The following SV2C variants were observed in gnomAD, a reference collection of about 807,000 sequenced individuals.
The protein encoded by SV2C is synaptic vesicle glycoprotein 2C, also known as solute carrier family 22 member B3.
SV2C carries 49 observed loss-of-function variants against 79.7 expected under a neutral mutation model. The ratio of observed to expected loss-of-function variants is 0.61; its 90% CI spans 0.49 to 0.78. The LOEUF is 0.78. Among genes scored for constraint, SV2C ranks in the 30% least tolerant of loss-of-function variants. The probability of loss-of-function intolerance (pLI) is 0.00; values close to 1 mark genes in which losing one functional copy is unlikely to be tolerated. For synonymous variants in SV2C, 334 were observed against 333.2 expected, an observed-to-expected ratio of 1.00 and a Z score of -0.03; for missense variants, 833 against 912.9, an observed-to-expected ratio of 0.91 and a Z score of 1.13.
intron 4 of SV2C, among the ~76,000 whole-genome samples, chr5:76,224,191 T>G (rs1189377793): frequency 2.0e-5 from 3 of 152,072 alleles, no homozygotes; most frequent in Non-Finnish European, 4.4e-5. Flanking sequence ...TTTTTGGGGG[T>G]TTTTTTCCTG....
chr5:76,291,143 T>A, intron 6 of SV2C, 78 bp from the exon 7 acceptor site: 1 of 1,074,830 alleles, frequency 9.3e-7, no homozygotes, highest in Non-Finnish European at 1.3e-6. Flanking sequence ...TTTTTGCTCC[T>A]GTAAAAACAA....
the SV2C span, among the ~76,000 whole-genome samples, chr5:75,981,997 G>A: frequency 0.018 from 2,592 of 146,432 alleles, 73 homozygotes; most frequent in African/African-American, 0.059. Flanking sequence ...TTCAGCATCC[G>A]CATATTCTCA....
chr5:76,301,062 G>A, intron 11 of SV2C, 130 bp downstream of exon 11: 5 of 1,029,906 alleles, frequency 4.9e-6, no homozygotes, highest in Non-Finnish European at 5.7e-6. Flanking sequence ...CTTACGTTGG[G>A]ACTAAATTAT....
chr5:76,231,594 C>G (rs184713853), intron 4 of SV2C, among the ~76,000 whole-genome samples: 41 of 142,906 alleles, frequency 2.9e-4, no homozygotes, highest in Non-Finnish European at 4.9e-4. Flanking sequence ...CCGCTCCCCC[C>G]ACTCCACCAC....
chr5:76,072,858 T>C, the SV2C span, among the ~76,000 whole-genome samples: 1 of 152,228 alleles, frequency 6.6e-6, no homozygotes, highest in Non-Finnish European at 1.5e-5. Context: ...TAATTAGTGA[T>C]GTTGAGCATT....
At chr5:75,916,652 T>C in the SV2C span, among the ~76,000 whole-genome samples, 2 of 152,132 alleles carry the variant, frequency 1.3e-5, no homozygotes, top group African/African-American at 2.4e-5. Context: ...TTTTTATATT[T>C]TTAGTAGAGA....
chr5:76,195,151 C>A (rs1744235588), intron 3 of SV2C, 52 bp downstream of exon 3: 2 of 1,574,174 alleles, frequency 1.3e-6, no homozygotes, highest in South Asian at 1.2e-5. Context: ...CTTCATAATT[C>A]TCCACTCTAG....
At chr5:75,963,528 T>A in the SV2C span, among the ~76,000 whole-genome samples, 36 of 152,176 alleles carry the variant, frequency 2.4e-4, 1 homozygote, top group African/African-American at 8.0e-4. Flanking sequence ...GTCTGATTCT[T>A]CTTCTTTTTA....
chr5:75,962,611 T>C, the SV2C span, among the ~76,000 whole-genome samples: 3 of 152,262 alleles, frequency 2.0e-5, no homozygotes, highest in Admixed American at 2.0e-4. Context: ...CATCCAGGTT[T>C]ACATCTACTA....
chr5:75,885,833 C>G, the SV2C span, among the ~76,000 whole-genome samples: 1 of 152,112 alleles, frequency 6.6e-6, no homozygotes, highest in East Asian at 1.9e-4. Flanking sequence ...AATAAGCAGA[C>G]TCCAAGAAGG....
At chr5:75,988,833 A>T in the SV2C span, among the ~76,000 whole-genome samples, 1 of 151,970 alleles carries the variant, frequency 6.6e-6, no homozygotes, top group Non-Finnish European at 1.5e-5. Context: ...CACTCTACAG[A>T]CAGGATAGAA....
chr5:76,128,929 G>C (rs1263093041), intron 1 of SV2C, among the ~76,000 whole-genome samples: 2 of 152,264 alleles, frequency 1.3e-5, no homozygotes, highest in Middle Eastern at 3.4e-3. Context: ...TTCCCATGTA[G>C]ATACAAATCT....
chr5:76,250,120 T>C (rs140951485), intron 4 of SV2C, among the ~76,000 whole-genome samples: 2 of 152,148 alleles, frequency 1.3e-5, no homozygotes, highest in Non-Finnish European at 2.9e-5. Flanking sequence ...ACTGCCTTGG[T>C]AAAGAAATGT....
chr5:75,958,854 C>T, the SV2C span, among the ~76,000 whole-genome samples: 3 of 151,916 alleles, frequency 2.0e-5, no homozygotes, highest in Non-Finnish European at 2.9e-5. Flanking sequence ...CTCTCCTTGA[C>T]CTTTTCAACC....
chr5:75,910,801 C>T, the SV2C span: 18 of 1,334,830 alleles, frequency 1.3e-5, no homozygotes, highest in South Asian at 2.1e-4. Flanking sequence ...ATGTGACCAT[C>T]TTCCAAAACA....
the SV2C span, among the ~76,000 whole-genome samples, chr5:75,899,388 T>A: frequency 2.0e-5 from 3 of 152,220 alleles, no homozygotes; most frequent in Non-Finnish European, 2.9e-5. Context: ...TTTGAGTGAG[T>A]TTCTTAATCC....
chr5:75,872,781 G>A, the SV2C span, among the ~76,000 whole-genome samples: 1 of 151,940 alleles, frequency 6.6e-6, no homozygotes, highest in East Asian at 1.9e-4. Context: ...AGGGAGGAGG[G>A]ATAGCATTAG....
chr5:76,076,840 C>T, the SV2C span, among the ~76,000 whole-genome samples: 3 of 152,212 alleles, frequency 2.0e-5, no homozygotes, highest in South Asian at 2.1e-4. Flanking sequence ...TCTGGTTTCC[C>T]TTACACTGAA....
chr5:76,106,869 A>G (rs1281902650), intron 1 of SV2C, among the ~76,000 whole-genome samples: 1 of 152,028 alleles, frequency 6.6e-6, no homozygotes, highest in Non-Finnish European at 1.5e-5. Context: ...TAGTGTGCTT[A>G]TTGTTCATTG....
Sources: allele counts gnomAD v4.1 joint callset (sites outside exome capture counted in the v4.1 genomes callset), GRCh38; gene constraint gnomAD v4.1.1; transcripts MANE v1.5; gene names NCBI Gene and HGNC (gene_info 2026-07-23, HGNC 2026-07-21).